MS4A1: variants seen among roughly 807,000 people sequenced by gnomAD.
MS4A1 encodes the protein membrane spanning 4-domains A1.
In MS4A1, 16 loss-of-function variants were observed where a neutral mutation model predicts 26.5. The ratio of observed to expected loss-of-function variants is 0.60; its 90% CI spans 0.41 to 0.92. The LOEUF (loss-of-function observed/expected upper bound fraction) is 0.92. MS4A1 is among the 40% of genes least tolerant of loss of function. The pLI, the probability that MS4A1 is intolerant of heterozygous loss-of-function variation, is 0.00. For synonymous variants in MS4A1, 128 were observed against 117.6 expected (o/e 1.09, Z -0.57); for missense variants, 350 against 353.0 (o/e 0.99, Z 0.07).
Position 60,469,517 on chromosome 11 carries a change from A to T in MS4A1, c.*1049A>T, listed in dbSNP as rs556895158. The T allele has an allele frequency of 3.3e-5, 5 of 152,310 alleles. No individual in the cohort carries two copies. The highest frequency in any genetic ancestry group is 1.2e-4 in the African/African-American group (5 of 41,588). 9.4% of individuals were successfully genotyped at this position (152,310 alleles called of 1,614,324 possible). ...TGTGAGAGCCAAGTCAACAGCTTTT[A>T]TCAAGAATTTACTCTCTGACCAGCA... On this transcript the variant is annotated 3_prime_UTR_variant, in exon 8 of 8. Coordinates refer to ENST00000345732, the MANE Select transcript of MS4A1 (RefSeq NM_152866.3).
rs919829803 is a variant in MS4A1 at position 60,468,955 on chromosome 11, C to G, written c.*487C>G. 2 of 165,630 alleles carry G rather than the reference C, an allele frequency of 1.2e-5. No individual in the cohort carries two copies. The highest frequency in any genetic ancestry group is 2.6e-5 in the Non-Finnish European group (2 of 75,964). The allele number at this position is 165,630 out of a possible 1,614,324, so 10.3% of individuals were successfully genotyped here. A position where few individuals can be genotyped will look rare whatever the true frequency, so the allele number is the denominator to read the frequency against. On this transcript the variant is annotated 3_prime_UTR_variant, in exon 8 of 8. Coordinates refer to ENST00000345732, the MANE Select transcript of MS4A1 (RefSeq NM_152866.3). ...AAAAAAATAACAACTAGGGACAATA[C>G]AGAACCCATTCCATTTATCTTTCTA...
At chr11:60,467,174 A>G (rs1173768404) in intron 7 of MS4A1, 114 bp downstream of exon 7, 10 of 892,986 alleles carry the variant, frequency 1.1e-5, no homozygotes, top group African/African-American at 1.7e-5. Context: ...TTGATTTAAA[A>G]AAAAAAATTG....
chr11:60,464,225 TCTCTC>T lies in MS4A1; in HGVS notation c.280-58_280-54del. Reference sequence around the variant, plus strand: ...TATCAATGTTAAAAAGTGATCTCCCTCTCTCCTCTATCTCCTGTCTTGCCCACCCC... The same window carrying T: ...TATCAATGTTAAAAAGTGATCTCCCTCTCTATCTCCTGTCTTGCCCACCCC... On this transcript the variant is annotated intron_variant, in intron 4 of 7. Coordinates refer to ENST00000345732, the MANE Select transcript of MS4A1 (RefSeq NM_152866.3). 4.0e-6 allele frequency: 5 copies of T among 1,244,360 alleles called. No homozygotes were observed. In the South Asian group the frequency reaches 6.1e-5, roughly 15 times the overall value. The allele number at this position is 1,244,360 out of a possible 1,614,324, so 77.1% of individuals were successfully genotyped here.
In MS4A1 at chr11:60,463,897, T is replaced by A. The variant is rs1590845591; in HGVS notation, c.280-391T>A. On this transcript the variant is annotated intron_variant, in intron 4 of 7. Coordinates refer to ENST00000345732, the MANE Select transcript of MS4A1 (RefSeq NM_152866.3). ...GTTCACTCTTCAGAGGGCATCAGAG[T>A]CATTTATGTCACTGTGAACCCCAAA... 4 of 400,544 alleles carry A rather than the reference T, an allele frequency of 1.0e-5. No individual in the cohort carries two copies. In the East Asian group the frequency reaches 2.9e-4, roughly 29 times the overall value. The allele number at this position is 400,544 out of a possible 1,614,324, so 24.8% of individuals were successfully genotyped here. A position where few individuals can be genotyped will look rare whatever the true frequency, so the allele number is the denominator to read the frequency against.
intron 4 of MS4A1, among the ~76,000 whole-genome samples, 158 bp downstream of exon 4, chr11:60,463,279 G>A (rs1402795359): frequency 1.3e-5 from 2 of 152,252 alleles, no homozygotes; most frequent in Admixed American, 6.5e-5. Flanking sequence ...ACCAAATTGA[G>A]TATAAATCCC....
rs1000329142 is a variant in MS4A1 at position 60,461,115 on chromosome 11, C to T, written c.-236C>T. The T allele has an allele frequency of 6.6e-6, 1 of 151,794 alleles. No individual in the cohort carries two copies. The highest frequency in any genetic ancestry group is 2.4e-5 in the African/African-American group (1 of 41,434). The allele number at this position is 151,794 out of a possible 1,614,324, so 9.4% of individuals were successfully genotyped here. A position where few individuals can be genotyped will look rare whatever the true frequency, so the allele number is the denominator to read the frequency against. On this transcript the variant is annotated 5_prime_UTR_variant, in exon 2 of 8. Transcript: ENST00000345732. ...CAAAATCTCTACTTTGATGGAACTTCCATTCTGTGGGGAAGAGACTGACAA... is the reference window on the plus strand; with the variant it reads ...CAAAATCTCTACTTTGATGGAACTTTCATTCTGTGGGGAAGAGACTGACAA...
At chr11:60,466,762 G>C (rs2086294843) in intron 6 of MS4A1, 197 bp from the exon 7 acceptor site, 4 of 619,012 alleles carry the variant, frequency 6.5e-6, no homozygotes, top group Non-Finnish European at 1.2e-5. Context: ...CATCTGTTGT[G>C]TGCCAAAAGT....
chr11:60,457,357 G>A (rs146585909), intron 1 of MS4A1, among the ~76,000 whole-genome samples: 1 of 152,130 alleles, frequency 6.6e-6, no homozygotes, highest in South Asian at 2.1e-4. Flanking sequence ...TTCTCCAGCA[G>A]GTAATGACAG....
chr11:60,464,881 C>A lies in MS4A1; in HGVS notation c.336+537C>A, dbSNP rs559947688. ...CTACACTGTGGTCTTGCCCATAAAA[C>A]CCCTAGGGACTCATCTAGATCCAGA... On this transcript the variant is annotated intron_variant, in intron 5 of 7. Transcript: ENST00000345732. Among the ~76,000 whole-genome samples, 10 of 152,298 alleles carry A rather than the reference C, an allele frequency of 6.6e-5. No individual in the cohort carries two copies. In the South Asian group the frequency reaches 2.1e-3, roughly 32 times the overall value.
intron 2 of MS4A1, among the ~76,000 whole-genome samples, 153 bp downstream of exon 2, chr11:60,461,313 A>T (rs1455655077): frequency 6.6e-6 from 1 of 151,690 alleles, no homozygotes; most frequent in African/African-American, 2.4e-5. Context: ...GACACTAGCC[A>T]TGCACAGACC....
chr11:60,466,874 A>T, intron 6 of MS4A1, 85 bp from the exon 7 acceptor site: 1 of 1,280,904 alleles, frequency 7.8e-7, no homozygotes, highest in Non-Finnish European at 1.1e-6. Flanking sequence ...TCGTTCAATT[A>T]TAGTCAACAA....
In MS4A1 at chr11:60,461,355, G is replaced by A. The variant is rs546951050; in HGVS notation, c.-191+195G>A. Among the ~76,000 whole-genome samples the A allele has an allele frequency of 8.6e-5, 13 of 151,542 alleles. No homozygotes were observed. The South Asian group carries it at 2.1e-3, about 24-fold the overall frequency. ...CCAGTTAAGTGTTATAGCAGCCCAC[G>A]AGATAAGAATTATTATTATTTCAAT... On this transcript the variant is annotated intron_variant, in intron 2 of 7. Transcript: ENST00000345732.
chr11:60,460,366 G>C (rs2086238410), intron 1 of MS4A1, among the ~76,000 whole-genome samples: 1 of 152,182 alleles, frequency 6.6e-6, no homozygotes, highest in Admixed American at 6.5e-5. Context: ...CCCCTTGCCT[G>C]TTCTATAAGG....
intron 2 of MS4A1, among the ~76,000 whole-genome samples, chr11:60,461,363 AATT>A (rs886911823): frequency 2.0e-5 from 3 of 151,526 alleles, no homozygotes; most frequent in African/African-American, 4.8e-5. Context: ...ACGAGATAAG[AATT>A]ATTATTATTT....
chr11:60,466,304 G>T, intron 6 of MS4A1, 147 bp downstream of exon 6: 1 of 763,608 alleles, frequency 1.3e-6, no homozygotes, highest in South Asian at 1.4e-5. Flanking sequence ...TAACCACACT[G>T]TGCCTCAATT....
chr11:60,470,744 C>G lies in MS4A1; in HGVS notation c.*2276C>G, dbSNP rs952905317. The G allele has an allele frequency of 6.6e-6, 1 of 151,832 alleles. No homozygotes were observed. Among genetic ancestry groups the G allele is most frequent in the Non-Finnish European group, 1.5e-5 (1 of 67,832 alleles). 9.4% of individuals were successfully genotyped at this position (151,832 alleles called of 1,614,324 possible). On this transcript the variant is annotated 3_prime_UTR_variant, in exon 8 of 8. Coordinates refer to ENST00000345732, the MANE Select transcript of MS4A1 (RefSeq NM_152866.3). ...CACAAAGGAAATAAACTTTAAAAAC[C>G]CAAGTGCACTCATTGACTAGGAGGC... is the stretch of plus-strand genomic sequence containing the variant.
chr11:60,466,872 T>C (rs1018016853), intron 6 of MS4A1, 87 bp from the exon 7 acceptor site: 2 of 1,276,746 alleles, frequency 1.6e-6, no homozygotes, highest in African/African-American at 2.9e-5. Context: ...AATCGTTCAA[T>C]TATAGTCAAC....
chr11:60,463,707 A>C (rs2086267370), intron 4 of MS4A1: 2 of 424,202 alleles, frequency 4.7e-6, no homozygotes. Context: ...TCCAGGATTA[A>C]AATTTTCCAA....
At chr11:60,456,366 C>T (rs1025073842) in intron 1 of MS4A1, among the ~76,000 whole-genome samples, 24 of 152,170 alleles carry the variant, frequency 1.6e-4, no homozygotes, top group African/African-American at 5.8e-4. Flanking sequence ...GAACTAAAAT[C>T]CTGAATCCCT....
Sources: gnomAD v4.1 joint callset for allele counts (sites outside exome capture counted in the v4.1 genomes callset) on GRCh38, gnomAD v4.1.1 for gene constraint, MANE v1.5 for transcripts, NCBI Gene and HGNC (gene_info 2026-07-23, HGNC 2026-07-21) for gene names.